The following MYO5B variants were observed in gnomAD, a reference collection of about 807,000 sequenced individuals.
MYO5B encodes the protein unconventional myosin-Vb.
In MYO5B, 143 loss-of-function variants were observed where a neutral mutation model predicts 229.3. The observed-to-expected ratio is 0.62, with a 90% CI of 0.54 to 0.72. The LOEUF (loss-of-function observed/expected upper bound fraction) is 0.72, where lower values mean the gene tolerates loss of function less well. Ranked by LOEUF, MYO5B falls within the 30% of genes least tolerant of loss-of-function variation. MYO5B has a pLI of 0.00. For synonymous variants in MYO5B, 918 were observed against 885.2 expected, an observed-to-expected ratio of 1.04 and a Z score of -0.66; for missense variants, 2,321 against 2,331.0, an observed-to-expected ratio of 1.00 and a Z score of 0.09.
At chr18:50,112,171 CGA>C (rs1179992267) in intron 1 of MYO5B, among the ~76,000 whole-genome samples, 4 of 152,106 alleles carry the variant, frequency 2.6e-5, no homozygotes, top group Non-Finnish European at 4.4e-5. Flanking sequence ...AGGACAGAAA[CGA>C]GAGAGCAAAC....
At chr18:49,899,395 G>A (rs949359070) in intron 21 of MYO5B, among the ~76,000 whole-genome samples, 2 of 152,156 alleles carry the variant, frequency 1.3e-5, no homozygotes, top group Admixed American at 6.5e-5. Flanking sequence ...TTGACACTGG[G>A]TCACACTCCC....
In MYO5B at chr18:49,864,272, C is replaced by T; in HGVS notation, c.3712G>A (p.Asp1238Asn). The change falls in exon 28 of 40, where the codon GAT becomes AAT. Residue 1238 changes from aspartate to asparagine, a missense_variant. Physicochemically the swap from Asp to Asn is conservative, Grantham distance 23. This residue lies in a region of MYO5B where 2,113 missense variants were observed against 2,044.7 expected (regional missense o/e 1.03). Coordinates refer to ENST00000285039, the MANE Select transcript of MYO5B (RefSeq NM_001080467.3). Reference sequence around the variant, plus strand: ...TGGTTCAGCAGGAGGCTGTAGCTATCTGGGGAGCCGTGGCTGGAGTTATTC... The same window carrying T: ...TGGTTCAGCAGGAGGCTGTAGCTATTTGGGGAGCCGTGGCTGGAGTTATTC... ...TQNNSSHGSP[D>N]SYSLLLNQLK... The T allele has an allele frequency of 1.2e-6, 2 of 1,614,224 alleles. No homozygotes were observed. The highest frequency in any genetic ancestry group is 1.7e-6 in the Non-Finnish European group (2 of 1,180,052).
At chr18:50,152,122 A>G (rs1446400516) in intron 1 of MYO5B, among the ~76,000 whole-genome samples, 1 of 152,204 alleles carries the variant, frequency 6.6e-6, no homozygotes, top group East Asian at 1.9e-4. Flanking sequence ...AGACCAATAC[A>G]TTATACAGCA....
Position 50,194,862 on chromosome 18 carries a change from C to T in MYO5B, c.-69G>A. On this transcript the variant is annotated 5_prime_UTR_variant, in exon 1 of 40. Transcript: ENST00000285039. The stretch of plus-strand genomic sequence containing the variant: ...CGCGGCTCTCAGTCCGCGGCTGGCC[C>T]GCCTGGCGCCATGTTCCCGGGCTGG... 8.0e-7 allele frequency: 1 copy of T among 1,242,668 alleles called. No homozygotes were observed. Among genetic ancestry groups the T allele is most frequent in the Non-Finnish European group, 1.0e-6 (1 of 995,920 alleles). The allele number at this position is 1,242,668 out of a possible 1,614,324, so 77.0% of individuals were successfully genotyped here.
At chr18:49,970,374 G>T (rs985343190) in intron 10 of MYO5B, among the ~76,000 whole-genome samples, 1 of 152,172 alleles carries the variant, frequency 6.6e-6, no homozygotes, top group African/African-American at 2.4e-5. Flanking sequence ...GACACTGGGG[G>T]TCTGGAACCA....
chr18:50,008,219 C>T (rs2026123763), intron 4 of MYO5B, among the ~76,000 whole-genome samples: 1 of 152,130 alleles, frequency 6.6e-6, no homozygotes, highest in Admixed American at 6.5e-5. Flanking sequence ...CCCCACCACC[C>T]ACCTTTAACC....
At chr18:49,922,808 G>C (rs2025088828) in intron 17 of MYO5B, among the ~76,000 whole-genome samples, 1 of 152,098 alleles carries the variant, frequency 6.6e-6, no homozygotes, top group Non-Finnish European at 1.5e-5. Flanking sequence ...ACACATGTAA[G>C]TATCTGCTAG....
chr18:49,847,170 G>C lies in MYO5B; in HGVS notation c.4435C>G (p.Leu1479Val). Residue 1479 changes from leucine to valine, a missense_variant, in exon 33 of 40, where the codon CTC (leucine) becomes GTC (valine). Transcript: ENST00000285039. ...CCTGTCACCAGGTTCCGGATGAGGA[G>C]GGCCTCGTCCTCTTTGTGGTACTCC... ...MLEYHKEDEA[L>V]LIRNLVTDLK... 1 of 1,614,134 alleles carries C rather than the reference G, an allele frequency of 6.2e-7. No individual in the cohort carries two copies. Among genetic ancestry groups the C allele is most frequent in the Non-Finnish European group, 8.5e-7 (1 of 1,180,022 alleles).
chr18:50,106,050 C>T (rs2031754208), intron 1 of MYO5B, among the ~76,000 whole-genome samples: 1 of 152,120 alleles, frequency 6.6e-6, no homozygotes, highest in African/African-American at 2.4e-5. Context: ...CCCATCCTGC[C>T]CCTGCATCCT....
chr18:50,093,676 AG>A (rs1358525175), intron 1 of MYO5B, among the ~76,000 whole-genome samples: 6 of 152,182 alleles, frequency 3.9e-5, no homozygotes, highest in African/African-American at 1.4e-4. Context: ...TAAAGAAGCC[AG>A]CCAAAACCCA....
intron 1 of MYO5B, among the ~76,000 whole-genome samples, chr18:50,081,369 C>G (rs1045576187): frequency 6.6e-6 from 1 of 152,302 alleles, no homozygotes; most frequent in East Asian, 1.9e-4. Flanking sequence ...TTTTAAATAA[C>G]CAGCTAACAG....
Position 49,839,143 on chromosome 18 carries a change from C to A in MYO5B, c.4852+1G>T. On this transcript the variant is annotated splice_donor_variant, in intron 36 of 39. Coordinates refer to ENST00000285039, the MANE Select transcript of MYO5B (RefSeq NM_001080467.3). LOFTEE classifies it high-confidence loss of function. ...ATGTAGCTCTCCTGCTGCCAGCTTA[C>A]CTATCATCGGCTGTAACACGCCCTC... The A allele has an allele frequency of 6.2e-7, 1 of 1,613,158 alleles. No individual in the cohort carries two copies.
At chr18:50,025,764 C>G (rs960025262) in intron 4 of MYO5B, among the ~76,000 whole-genome samples, 1 of 152,166 alleles carries the variant, frequency 6.6e-6, no homozygotes, top group African/African-American at 2.4e-5. Context: ...GGTACAATGA[C>G]AAGGACCCCA....
At chr18:49,974,742 C>G in intron 9 of MYO5B, 127 bp from the exon 10 acceptor site, 1 of 1,044,602 alleles carries the variant, frequency 9.6e-7, no homozygotes, top group Admixed American at 2.1e-5. Context: ...CCTCCAGAAT[C>G]CCAGCACATG....
intron 1 of MYO5B, among the ~76,000 whole-genome samples, chr18:50,142,781 G>A (rs1287975202): frequency 6.6e-6 from 1 of 152,168 alleles, no homozygotes; most frequent in African/African-American, 2.4e-5. Context: ...GGTAACCTCA[G>A]TCTAACAATG....
intron 11 of MYO5B, 22 bp from the exon 12 acceptor site, chr18:49,962,428 C>T (rs762116642): frequency 5.0e-6 from 8 of 1,613,974 alleles, no homozygotes; most frequent in Admixed American, 3.3e-5. Flanking sequence ...AAAAAGGTCA[C>T]ACGAGTGAAC....
intron 14 of MYO5B, among the ~76,000 whole-genome samples, chr18:49,945,428 G>T (rs908487606): frequency 1.3e-5 from 2 of 149,932 alleles, no homozygotes; most frequent in Non-Finnish European, 2.9e-5. Flanking sequence ...ACCAAGTTCT[G>T]CCCACAGGGG....
At chr18:50,056,216 G>C (rs1019206780) in intron 1 of MYO5B, among the ~76,000 whole-genome samples, 5 of 152,194 alleles carry the variant, frequency 3.3e-5, no homozygotes, top group African/African-American at 1.2e-4. Flanking sequence ...AGTGATACAG[G>C]ATTAACTGTC....
rs753392084 is a variant in MYO5B, at chr18:49,929,492, C to T, written c.2090+20G>A. ...GCTCTAGGGCAGCCCCAGGAGGCAG[C>T]TGGCGGGCACGTTAGTTACCTGGAT... On this transcript the variant is annotated intron_variant, in intron 17 of 39. Transcript: ENST00000285039. 26 of 1,590,512 alleles carry T rather than the reference C, an allele frequency of 1.6e-5. No homozygotes were observed. The East Asian group carries it at 5.6e-4, about 34-fold the overall frequency.
Sources: allele counts gnomAD v4.1 joint callset (sites outside exome capture counted in the v4.1 genomes callset), GRCh38; gene constraint gnomAD v4.1.1; regional missense constraint gnomAD v4.1.1; transcripts MANE v1.5; gene names NCBI Gene and HGNC (gene_info 2026-07-23, HGNC 2026-07-21).